BAZ1A: variants seen among roughly 807,000 people sequenced by gnomAD.
BAZ1A encodes bromodomain adjacent to zinc finger domain 1A.
In BAZ1A, 50 loss-of-function variants were observed where a neutral mutation model predicts 185.2. The observed-to-expected ratio is 0.27, with a 90% CI of 0.22 to 0.34. The LOEUF (loss-of-function observed/expected upper bound fraction) is 0.34, where lower values mean the gene tolerates loss of function less well. Among genes scored for constraint, BAZ1A ranks in the 10% least tolerant of loss-of-function variants. BAZ1A has a pLI of 1.00. For synonymous variants in BAZ1A, 571 were observed against 615.6 expected, an observed-to-expected ratio of 0.93 and a Z score of 1.07; for missense variants, 1,356 against 1,839.9, an observed-to-expected ratio of 0.74 and a Z score of 4.81.
chr14:34,801,675 A>G (rs1372041592), intron 7 of BAZ1A, among the ~76,000 whole-genome samples: 1 of 152,120 alleles, frequency 6.6e-6, no homozygotes, highest in East Asian at 1.9e-4. Flanking sequence ...TTGGGAAGCC[A>G]CGGCGGGTAG....
At chr14:34,755,099 C>T (rs1160126055) in intron 25 of BAZ1A, among the ~76,000 whole-genome samples, 185 bp from the exon 26 acceptor site, 1 of 151,836 alleles carries the variant, frequency 6.6e-6, no homozygotes, top group African/African-American at 2.4e-5. Flanking sequence ...AGATATATAT[C>T]TATATAGATA....
intron 3 of BAZ1A, among the ~76,000 whole-genome samples, chr14:34,848,075 T>A (rs1203508193): frequency 6.6e-6 from 1 of 152,130 alleles, no homozygotes; most frequent in Non-Finnish European, 1.5e-5. Flanking sequence ...TTGCTCAGGC[T>A]GGTCTTGAAC....
chr14:34,852,936 T>G (rs2042619203), intron 3 of BAZ1A, among the ~76,000 whole-genome samples: 1 of 152,206 alleles, frequency 6.6e-6, no homozygotes, highest in South Asian at 2.1e-4. Flanking sequence ...CTACTACCTG[T>G]GTTAAGACTG....
intron 3 of BAZ1A, among the ~76,000 whole-genome samples, chr14:34,843,996 G>A (rs1366837731): frequency 1.3e-5 from 2 of 151,130 alleles, no homozygotes; most frequent in Non-Finnish European, 3.0e-5. Context: ...ACGAGGTCAG[G>A]AGATCGAGAC....
chr14:34,858,998 TC>T (rs1319701943), intron 3 of BAZ1A, among the ~76,000 whole-genome samples: 1 of 152,188 alleles, frequency 6.6e-6, no homozygotes, highest in Non-Finnish European at 1.5e-5. Flanking sequence ...GAGCCATTAA[TC>T]CATAACACCT....
intron 4 of BAZ1A, among the ~76,000 whole-genome samples, chr14:34,819,516 G>C (rs1218512080): frequency 1.3e-5 from 2 of 152,188 alleles, no homozygotes; most frequent in Middle Eastern, 3.4e-3. Flanking sequence ...TAAATATATA[G>C]TACATTTATT....
chr14:34,838,713 C>T (rs1566589562), intron 3 of BAZ1A, among the ~76,000 whole-genome samples: 1 of 151,868 alleles, frequency 6.6e-6, no homozygotes, highest in Non-Finnish European at 1.5e-5. Context: ...TTAGTAGAGA[C>T]AGGGTTTCAC....
intron 3 of BAZ1A, among the ~76,000 whole-genome samples, chr14:34,852,362 T>TA (rs2042610646): frequency 6.6e-6 from 1 of 152,164 alleles, no homozygotes. Flanking sequence ...CTCATGCCTG[T>TA]AATCCCAGCA....
At position 34,874,876 on chromosome 14, in the gene BAZ1A, C is replaced by T. The variant is rs1233276723; in HGVS notation, c.-58-214G>A. ...CCCCCGAGCGCGCCCTACCTCCTCT[C>T]GTCCTGCCGCCGCCTCACAATGGGG... is the stretch of plus-strand genomic sequence containing the variant. On this transcript the variant is annotated intron_variant, in intron 1 of 26. Coordinates refer to ENST00000360310, the MANE Select transcript of BAZ1A (RefSeq NM_013448.3). This position sits in a 1 kb window ranked among gnomAD's most constrained non-coding sequence, Gnocchi z 4.7. 5 of 305,366 alleles carry T rather than the reference C, an allele frequency of 1.6e-5. No individual in the cohort carries two copies. The highest frequency in any genetic ancestry group is 8.9e-5 in the African/African-American group (4 of 44,832). 18.9% of individuals were successfully genotyped at this position (305,366 alleles called of 1,614,324 possible).
At chr14:34,865,291 G>A (rs1384311581) in intron 2 of BAZ1A, among the ~76,000 whole-genome samples, 1 of 152,060 alleles carries the variant, frequency 6.6e-6, no homozygotes, top group Non-Finnish European at 1.5e-5. Context: ...ATATGCAAAA[G>A]GGTTAACAAT....
intron 21 of BAZ1A, among the ~76,000 whole-genome samples, chr14:34,769,999 T>C (rs1184659645): frequency 6.6e-6 from 1 of 152,198 alleles, no homozygotes; most frequent in Non-Finnish European, 1.5e-5. Context: ...ATTAAGCTTA[T>C]GGTACGATTA....
intron 3 of BAZ1A, among the ~76,000 whole-genome samples, chr14:34,847,625 T>C (rs1392955190): frequency 1.3e-5 from 2 of 152,206 alleles, no homozygotes; most frequent in Non-Finnish European, 2.9e-5. Flanking sequence ...CATGCATATT[T>C]AAATCAAAAT....
At chr14:34,813,518 A>C (rs527451810) in intron 4 of BAZ1A, among the ~76,000 whole-genome samples, 2 of 152,056 alleles carry the variant, frequency 1.3e-5, no homozygotes, top group African/African-American at 4.8e-5. Flanking sequence ...CCCCGTTTCT[A>C]CTAAAAATAC....
rs566370612 is a variant in BAZ1A, at chr14:34,811,174, C to T, written c.537-138G>A. The T allele has an allele frequency of 1.1e-4, 65 of 579,906 alleles. No homozygotes were observed. In the Middle Eastern group the frequency reaches 1.5e-3, roughly 13 times the overall value. 35.9% of individuals were successfully genotyped at this position (579,906 alleles called of 1,614,324 possible). On this transcript the variant is annotated intron_variant, in intron 4 of 26. Transcript: ENST00000360310. Reference sequence around the variant, plus strand: ...TTTTTTTGTTTTTGAGATGGAGTCTCACTCTTGTTGCCCAGGCTGGAATGC... The same window carrying T: ...TTTTTTTGTTTTTGAGATGGAGTCTTACTCTTGTTGCCCAGGCTGGAATGC...
intron 12 of BAZ1A, among the ~76,000 whole-genome samples, chr14:34,791,886 A>T (rs1880869295): frequency 6.6e-6 from 1 of 152,230 alleles, no homozygotes; most frequent in African/African-American, 2.4e-5. Flanking sequence ...TGTTTTAAAA[A>T]TATGAAAAGG....
chr14:34,845,590 G>A (rs918183569), intron 3 of BAZ1A, among the ~76,000 whole-genome samples: 2 of 152,128 alleles, frequency 1.3e-5, no homozygotes, highest in Non-Finnish European at 2.9e-5. Flanking sequence ...GCTGGGCGCA[G>A]TGGCTCACGC....
intron 12 of BAZ1A, among the ~76,000 whole-genome samples, chr14:34,792,160 G>T (rs1366025738): frequency 1.3e-5 from 2 of 152,180 alleles, no homozygotes. Flanking sequence ...AAGGCGGGTG[G>T]ATCACCTGAG....
chr14:34,823,872 C>A (rs78652561), intron 4 of BAZ1A, among the ~76,000 whole-genome samples: 1 of 151,836 alleles, frequency 6.6e-6, no homozygotes, highest in East Asian at 1.9e-4. Context: ...TATATTTGTA[C>A]CTATGTATAC....
chr14:34,754,738 C>T, intron 26 of BAZ1A, 89 bp downstream of exon 26: 7 of 875,332 alleles, frequency 8.0e-6, no homozygotes, highest in Non-Finnish European at 1.2e-5. Context: ...AAAACAGCCT[C>T]TACCTCTTTA....
Sources: gnomAD v4.1 joint callset for allele counts (sites outside exome capture counted in the v4.1 genomes callset) on GRCh38, gnomAD v4.1.1 for gene constraint, Gnocchi (gnomAD v3.1) non-coding constraint, MANE v1.5 for transcripts, NCBI Gene and HGNC (gene_info 2026-07-23, HGNC 2026-07-21) for gene names.